The following ASH1L variants were observed in gnomAD, a reference collection of about 807,000 sequenced individuals.
ASH1L encodes histone-lysine N-methyltransferase ASH1L.
Under a neutral mutation model 269.0 loss-of-function variants are expected in ASH1L, and 23 were observed. The observed-to-expected ratio is 0.09, with a 90% CI of 0.06 to 0.12. The LOEUF (loss-of-function observed/expected upper bound fraction) is 0.12. Among genes scored for constraint, ASH1L ranks in the 10% least tolerant of loss-of-function variants. The pLI is 1.00. For missense variants in ASH1L, 2,912 were observed against 3,567.8 expected (o/e 0.82, Z 4.68); for synonymous variants, 1,187 against 1,253.5 (o/e 0.95, Z 1.12).
chr1:155,508,580 C>T (rs978609581), intron 2 of ASH1L, among the ~76,000 whole-genome samples: 2 of 152,192 alleles, frequency 1.3e-5, no homozygotes, highest in Non-Finnish European at 2.9e-5. Flanking sequence ...GCGGAGATTG[C>T]AGTGAGCCAA....
chr1:155,550,264 C>A (rs1671108193), intron 1 of ASH1L, among the ~76,000 whole-genome samples: 1 of 152,150 alleles, frequency 6.6e-6, no homozygotes, highest in Non-Finnish European at 1.5e-5. Context: ...GTGATCCACC[C>A]ATCTCGGCCT....
At chr1:155,349,241 A>G (rs1570962019) in intron 19 of ASH1L, 86 bp downstream of exon 19, 12 of 1,461,690 alleles carry the variant, frequency 8.2e-6, no homozygotes, top group Non-Finnish European at 9.3e-7. Flanking sequence ...AATATGGCTG[A>G]TAGAGGAGGG....
chr1:155,427,165 C>G (rs982377942), intron 5 of ASH1L, among the ~76,000 whole-genome samples: 2 of 142,744 alleles, frequency 1.4e-5, no homozygotes, highest in South Asian at 4.3e-4. Flanking sequence ...GACAGAGTCT[C>G]GCTCTGTCAC....
Position 155,481,001 on chromosome 1 carries a change from A to G in ASH1L, c.1869T>C (p.Ser623=). The G allele has an allele frequency of 1.9e-6, 3 of 1,614,044 alleles. No homozygotes were observed. Among genetic ancestry groups the G allele is most frequent in the Non-Finnish European group, 2.5e-6 (3 of 1,179,972 alleles). Residue 623 remains serine (S), a synonymous_variant, in exon 3 of 28, where the codon AGT becomes AGC. Coordinates refer to ENST00000392403, the MANE Select transcript of ASH1L (RefSeq NM_018489.3). ...CTTTATCAATCCCTTTACATTCAAT[A>G]CTTATACTATGACCAACTGACCTAT... The part of the protein sequence containing the change: ...VGHRSVGHSI[S]IECKGIDKEV...
intron 2 of ASH1L, among the ~76,000 whole-genome samples, chr1:155,518,666 G>T (rs2148834918): frequency 7.3e-6 from 1 of 137,582 alleles, no homozygotes; most frequent in African/African-American, 2.7e-5. Context: ...ACCACAATGT[G>T]CTACAGCTTG....
intron 10 of ASH1L, among the ~76,000 whole-genome samples, chr1:155,374,068 C>A (rs1656215443): frequency 6.6e-6 from 1 of 152,158 alleles, no homozygotes; most frequent in Non-Finnish European, 1.5e-5. Flanking sequence ...GTGGCTCATG[C>A]CTGTAATCCC....
chr1:155,421,084 A>T lies in ASH1L; in HGVS notation c.5829-5161T>A, dbSNP rs538828314. On this transcript the variant is annotated intron_variant, in intron 5 of 27. Coordinates refer to ENST00000392403, the MANE Select transcript of ASH1L (RefSeq NM_018489.3). ...AGACCCCATCTTTGCAAAAAATTTT[A>T]AAAAACTAGCCAGGTGTGATGGCTT... 1.6e-4 allele frequency among the ~76,000 whole-genome samples: 24 copies of T among 151,858 alleles called. No individual in the cohort carries two copies. In the South Asian group the frequency reaches 4.8e-3, roughly 30 times the overall value.
chr1:155,344,941 T>G (rs1357256297), intron 21 of ASH1L, among the ~76,000 whole-genome samples: 1 of 152,088 alleles, frequency 6.6e-6, no homozygotes, highest in African/African-American at 2.4e-5. Context: ...GGACATCTGA[T>G]AGTGTTTATA....
chr1:155,415,929 AAG>A lies in ASH1L; in HGVS notation c.5829-8_5829-7del. On this transcript the variant is annotated splice_polypyrimidine_tract_variant and splice_region_variant and intron_variant, in intron 5 of 27. Coordinates refer to ENST00000392403, the MANE Select transcript of ASH1L (RefSeq NM_018489.3). ...CAACTGGTGCTTCATTAAAGCTAGA[AAG>A]AGAAGTTTAAAGATAATTTTATTAT... The A allele has an allele frequency of 6.6e-7, 1 of 1,515,252 alleles. No homozygotes were observed. The highest frequency in any genetic ancestry group is 8.8e-7 in the Non-Finnish European group (1 of 1,132,768). The allele number at this position is 1,515,252 out of a possible 1,614,324, so 93.9% of individuals were successfully genotyped here.
intron 6 of ASH1L, among the ~76,000 whole-genome samples, chr1:155,403,763 G>T (rs1036341370): frequency 6.6e-6 from 1 of 152,022 alleles, no homozygotes; most frequent in Non-Finnish European, 1.5e-5. Context: ...CTTAAAATTT[G>T]TGTGTGGGAG....
chr1:155,468,477 T>A (rs1468294915), intron 3 of ASH1L, among the ~76,000 whole-genome samples: 1 of 152,186 alleles, frequency 6.6e-6, no homozygotes. Flanking sequence ...TTATTTGGAA[T>A]TTTTCTGTAA....
At position 155,343,473 on chromosome 1, in the gene ASH1L, C is replaced by T. The variant is rs745646889; in HGVS notation, c.8134G>A (p.Ala2712Thr). 1 of 1,613,890 alleles carries T rather than the reference C, an allele frequency of 6.2e-7. No individual in the cohort carries two copies. Among genetic ancestry groups the T allele is most frequent in the South Asian group, 1.1e-5 (1 of 91,044 alleles). ...LWKNEKEERF[A>T]FGHHYFRPHE... ...GGACGGAAATAATGGTGACCAAAGG[C>T]AAACCGTTCCTCTCTAAAACAATGG... The change falls in exon 24 of 28, where the codon GCC becomes ACC. Residue 2712 changes from alanine to threonine, a missense_variant. By Grantham distance (58) the Ala-to-Thr change is moderately conservative. Around this residue, in one of 13 missense-constraint regions of ASH1L, gnomAD observed 179 missense variants for 293.8 expected, o/e 0.61. Transcript: ENST00000392403. This position sits in a 1 kb window ranked among gnomAD's most constrained non-coding sequence, Gnocchi z 6.1.
intron 7 of ASH1L, among the ~76,000 whole-genome samples, chr1:155,391,694 C>T (rs972094846): frequency 7.2e-5 from 11 of 152,140 alleles, no homozygotes; most frequent in Admixed American, 1.3e-4. Flanking sequence ...GTGGCTCATG[C>T]CTGTAATCCC....
rs141092903 is a variant in ASH1L, at chr1:155,478,008, G to C, written c.4862C>G (p.Ser1621Cys). ...IGSCRVSNPN[S>C]SGRKKLTDSP... ...GTCAGTTAATTTCTTCCGGCCACTG[G>C]AGTTAGGGTTTGAAACTCTGCAGCT... is the stretch of plus-strand genomic sequence containing the variant. Residue 1621 changes from serine to cysteine, a missense_variant, in exon 3 of 28, where the codon TCC (serine) becomes TGC (cysteine). Ser to Cys is a moderately radical substitution (Grantham distance 112). Transcript: ENST00000392403. This position sits in a 1 kb window ranked among gnomAD's most constrained non-coding sequence, Gnocchi z 4.6. 6.2e-7 allele frequency: 1 copy of C among 1,614,088 alleles called. No homozygotes were observed. The highest frequency in any genetic ancestry group is 1.1e-5 in the South Asian group (1 of 91,092).
rs560242315 is a variant in ASH1L at position 155,477,383 on chromosome 1, A to C, written c.4984+503T>G. On this transcript the variant is annotated intron_variant, in intron 3 of 27. Coordinates refer to ENST00000392403, the MANE Select transcript of ASH1L (RefSeq NM_018489.3). The stretch of plus-strand genomic sequence containing the variant: ...TTCAGTTAAATTTTACAATGCTGAA[A>C]ATGTCCAATGTTTGAATTTTTATTA... Among the ~76,000 whole-genome samples, 6 of 152,350 alleles carry C rather than the reference A, an allele frequency of 3.9e-5. No homozygotes were observed. In the South Asian group the frequency reaches 1.2e-3, roughly 32 times the overall value.
chr1:155,506,468 G>A (rs1667820973), intron 2 of ASH1L, among the ~76,000 whole-genome samples: 1 of 151,630 alleles, frequency 6.6e-6, no homozygotes, highest in South Asian at 2.1e-4. Context: ...AGGCCGAAGT[G>A]GGTGGATCAC....
At chr1:155,387,964 T>A (rs1657579625) in intron 7 of ASH1L, among the ~76,000 whole-genome samples, 1 of 152,212 alleles carries the variant, frequency 6.6e-6, no homozygotes, top group Non-Finnish European at 1.5e-5. Context: ...GGAATGCTAG[T>A]GATTTTTGTA....
chr1:155,428,469 T>C (rs1056604662), intron 5 of ASH1L, among the ~76,000 whole-genome samples: 1 of 151,910 alleles, frequency 6.6e-6, no homozygotes, highest in African/African-American at 2.4e-5. Context: ...ATATATATGT[T>C]GGGAACAGGC....
At chr1:155,341,263 G>A (rs1421668673) in intron 25 of ASH1L, among the ~76,000 whole-genome samples, 1 of 151,004 alleles carries the variant, frequency 6.6e-6, no homozygotes, top group Non-Finnish European at 1.5e-5. Flanking sequence ...TGCAAGCTCT[G>A]CCTCCTGGGT....
Sources: gnomAD v4.1 joint callset for allele counts (sites outside exome capture counted in the v4.1 genomes callset) on GRCh38, gnomAD v4.1.1 for gene constraint, gnomAD v4.1.1 regional missense constraint, Gnocchi (gnomAD v3.1) non-coding constraint, MANE v1.5 for transcripts, NCBI Gene and HGNC (gene_info 2026-07-23, HGNC 2026-07-21) for gene names.